Variants in ATP8A2 observed in about 807,000 individuals in gnomAD.
ATP8A2 encodes the protein phospholipid-transporting ATPase IB.
Under a neutral mutation model 165.6 loss-of-function variants are expected in ATP8A2, and 100 were observed. The ratio of observed to expected loss-of-function variants is 0.60; its 90% CI spans 0.51 to 0.71. The LOEUF is 0.71. Among genes scored for constraint, ATP8A2 ranks in the 30% least tolerant of loss-of-function variants. ATP8A2 has a pLI of 0.00. For missense variants in ATP8A2, 1,227 were observed against 1,479.5 expected, an observed-to-expected ratio of 0.83 and a Z score of 2.80; for synonymous variants, 543 against 548.8, an observed-to-expected ratio of 0.99 and a Z score of 0.15.
chr13:25,521,053 G>A (rs931090675), intron 2 of ATP8A2, among the ~76,000 whole-genome samples: 4 of 151,988 alleles, frequency 2.6e-5, no homozygotes, highest in Admixed American at 6.6e-5. Context: ...TTTTATAATA[G>A]CCATTTACAC....
intron 33 of ATP8A2, among the ~76,000 whole-genome samples, chr13:25,888,345 C>T (rs1484748056): frequency 1.3e-5 from 2 of 152,158 alleles, no homozygotes; most frequent in African/African-American, 4.8e-5. Context: ...ACAACTTTAT[C>T]TAAAAGATGC....
chr13:25,810,939 T>G (rs1404171340), intron 27 of ATP8A2, among the ~76,000 whole-genome samples: 4 of 152,186 alleles, frequency 2.6e-5, no homozygotes, highest in Non-Finnish European at 5.9e-5. Flanking sequence ...CAATTCTGAT[T>G]ATGTTTATAT....
intron 1 of ATP8A2, among the ~76,000 whole-genome samples, chr13:25,385,174 T>C (rs1186660676): frequency 6.6e-6 from 1 of 152,242 alleles, no homozygotes; most frequent in African/African-American, 2.4e-5. Context: ...CTTTCCTTTC[T>C]TTTGCTGAAA....
intron 19 of ATP8A2, among the ~76,000 whole-genome samples, chr13:25,575,362 T>G (rs983309323): frequency 6.6e-6 from 1 of 152,230 alleles, no homozygotes; most frequent in African/African-American, 2.4e-5. Flanking sequence ...AGTACAATTT[T>G]AAAAAGTTAG....
At chr13:25,450,683 C>T (rs940062301) in intron 1 of ATP8A2, among the ~76,000 whole-genome samples, 4 of 152,118 alleles carry the variant, frequency 2.6e-5, no homozygotes, top group African/African-American at 9.7e-5. Flanking sequence ...AGGCGCCCGC[C>T]ACCATGCCCG....
chr13:25,993,534 G>T (rs1012397254), intron 35 of ATP8A2, among the ~76,000 whole-genome samples: 5 of 152,158 alleles, frequency 3.3e-5, no homozygotes, highest in African/African-American at 4.8e-5. Context: ...TTTGTGTAAG[G>T]TATGAGATTT....
At chr13:25,494,605 C>T (rs1418723319) in intron 2 of ATP8A2, among the ~76,000 whole-genome samples, 1 of 152,124 alleles carries the variant, frequency 6.6e-6, no homozygotes, top group Non-Finnish European at 1.5e-5. Flanking sequence ...GTGGTATCTG[C>T]ATCTATATTT....
chr13:25,744,050 A>T (rs1357365111), intron 25 of ATP8A2, among the ~76,000 whole-genome samples: 1 of 152,198 alleles, frequency 6.6e-6, no homozygotes, highest in African/African-American at 2.4e-5. Context: ...TAACTATCTT[A>T]TATTGTGGGT....
intron 28 of ATP8A2, among the ~76,000 whole-genome samples, chr13:25,829,668 G>GTGTGTATA (rs1312948758): frequency 4.7e-5 from 3 of 63,394 alleles, no homozygotes; most frequent in African/African-American, 1.9e-4. Flanking sequence ...GACAGGTGTG[G>GTGTGTATA]TATATATATA....
At position 25,451,916 on chromosome 13, in the gene ATP8A2, G is replaced by A. The variant is rs959247938; in HGVS notation, c.77-17061G>A. On this transcript the variant is annotated intron_variant, in intron 1 of 36. Coordinates refer to ENST00000381655, the MANE Select transcript of ATP8A2 (RefSeq NM_016529.6). ...TTTGCCCAGGCTGGAGTGCAGTGGC[G>A]TGATCTCGGCTCACTGTGACCTCCG... Among the ~76,000 whole-genome samples, 36 of 150,700 alleles carry A rather than the reference G, an allele frequency of 2.4e-4. 1 individual carries two copies. The highest frequency in any genetic ancestry group is 7.4e-4 in the African/African-American group (30 of 40,652).
chr13:25,538,681 G>T (rs4433664), intron 7 of ATP8A2, among the ~76,000 whole-genome samples: 79,694 of 151,942 alleles, frequency 0.52, 21,819 homozygotes, highest in Middle Eastern at 0.6. Flanking sequence ...CAAAATTAGG[G>T]CAAGAATTGA....
chr13:25,802,617 G>T (rs1950644234), intron 27 of ATP8A2, among the ~76,000 whole-genome samples: 1 of 152,176 alleles, frequency 6.6e-6, no homozygotes, highest in Non-Finnish European at 1.5e-5. Flanking sequence ...ATCAGTATGT[G>T]TATCAGTTCT....
intron 25 of ATP8A2, among the ~76,000 whole-genome samples, chr13:25,726,611 C>A (rs1308094410): frequency 2.0e-5 from 3 of 152,172 alleles, no homozygotes; most frequent in African/African-American, 7.2e-5. Context: ...TGAAATCTCT[C>A]TCTCTCTGTG....
chr13:25,496,095 T>C (rs2036670793), intron 2 of ATP8A2, among the ~76,000 whole-genome samples: 1 of 152,188 alleles, frequency 6.6e-6, no homozygotes, highest in Non-Finnish European at 1.5e-5. Flanking sequence ...TGAAAGGTGC[T>C]GTCCTGTGGA....
At chr13:25,987,882 A>T (rs1263254041) in intron 35 of ATP8A2, among the ~76,000 whole-genome samples, 3 of 152,248 alleles carry the variant, frequency 2.0e-5, no homozygotes, top group African/African-American at 7.2e-5. Flanking sequence ...CCTCCCTTGA[A>T]AAATGGCTGC....
At chr13:25,465,703 C>T (rs2035627043) in intron 1 of ATP8A2, among the ~76,000 whole-genome samples, 2 of 20,836 alleles carry the variant, frequency 9.6e-5, no homozygotes, top group South Asian at 2.1e-3. Context: ...TTCTTTCTTT[C>T]TTTCTTTCTT....
At chr13:25,580,077 C>T in intron 22 of ATP8A2, 130 bp downstream of exon 22, 1 of 1,062,746 alleles carries the variant, frequency 9.4e-7, no homozygotes, top group Non-Finnish European at 1.3e-6. Flanking sequence ...GAACCGTTAG[C>T]TCTGAATCAT....
chr13:25,874,328 AC>A (rs1566226130), intron 33 of ATP8A2, among the ~76,000 whole-genome samples: 1 of 152,068 alleles, frequency 6.6e-6, no homozygotes, highest in Non-Finnish European at 1.5e-5. Flanking sequence ...TCCGCCTCCT[AC>A]CAAGTTAATG....
chr13:25,993,276 A>G (rs1456506889), intron 35 of ATP8A2, among the ~76,000 whole-genome samples: 7 of 152,184 alleles, frequency 4.6e-5, no homozygotes, highest in African/African-American at 1.7e-4. Flanking sequence ...TGCTATGACA[A>G]ACCCACAGCC....
Sources: allele counts gnomAD v4.1 joint callset (sites outside exome capture counted in the v4.1 genomes callset), GRCh38; gene constraint gnomAD v4.1.1; transcripts MANE v1.5; gene names NCBI Gene and HGNC (gene_info 2026-07-23, HGNC 2026-07-21).